The following MYBPC3 variants were observed in gnomAD, a reference collection of about 807,000 sequenced individuals.
The protein encoded by MYBPC3 is myosin-binding protein C, cardiac-type.
In MYBPC3, 108 loss-of-function variants were observed where a neutral mutation model predicts 159.3. The ratio of observed to expected loss-of-function variants is 0.68; its 90% confidence interval spans 0.58 to 0.80. The LOEUF is 0.80. MYBPC3 is among the 30% of genes least tolerant of loss of function. The probability of loss-of-function intolerance (pLI) is 0.00; values close to 1 mark genes in which losing one functional copy is unlikely to be tolerated. For missense variants in MYBPC3, 1,631 were observed against 1,762.1 expected, an observed-to-expected ratio of 0.93 and a Z score of 1.33; for synonymous variants, 730 against 702.0, an observed-to-expected ratio of 1.04 and a Z score of -0.63.
Position 47,333,967 on chromosome 11 carries a change from A to G in MYBPC3, c.2949T>C (p.Ile983=). The G allele has an allele frequency of 6.3e-7, 1 of 1,585,796 alleles. No homozygotes were observed. Among genetic ancestry groups the G allele is most frequent in the Non-Finnish European group, 8.6e-7 (1 of 1,166,366 alleles). Residue 983 remains isoleucine (I), a synonymous_variant, in exon 28 of 35, where the codon ATT becomes ATC. Transcript: ENST00000545968. ...LQLPRHLRQT[I]QKKVGEPVNL... Reference sequence around the variant, plus strand: ...TCACAGGCTCCCCGACCTTCTTCTGAATGGTCTGGCGCAGGTGCCTGGGCA... The same window carrying G: ...TCACAGGCTCCCCGACCTTCTTCTGGATGGTCTGGCGCAGGTGCCTGGGCA...
chr11:47,349,670 C>T, intron 5 of MYBPC3, 104 bp downstream of exon 5: 1 of 1,432,888 alleles, frequency 7.0e-7, no homozygotes, highest in Non-Finnish European at 9.3e-7. Context: ...TTGCTTGCAG[C>T]TCGTGTGTGC....
intron 21 of MYBPC3, 98 bp downstream of exon 21, chr11:47,339,553 C>CGTGCACATGTGGGTGGGGT: frequency 2.0e-6 from 3 of 1,475,214 alleles, no homozygotes; most frequent in Non-Finnish European, 2.8e-6. Flanking sequence ...AACAGCAGGG[C>CGTGCACATGTGGGTGGGGT]GTGCACATGT....
At chr11:47,334,894 G>T (rs1001385542) in intron 27 of MYBPC3, 148 bp downstream of exon 27, 8 of 966,830 alleles carry the variant, frequency 8.3e-6, no homozygotes, top group Non-Finnish European at 1.1e-5. Context: ...TAGGCCTAGC[G>T]CATGGACGAT....
At position 47,338,957 on chromosome 11, in the gene MYBPC3, G is replaced by A. The variant is rs111601892; in HGVS notation, c.2149-278C>T. The stretch of plus-strand genomic sequence containing the variant: ...ACCCCAGCCTTCAGAAGAACCAACA[G>A]TGCCAGGCAGGAGCAAGACCCCGGC... On this transcript the variant is annotated intron_variant, in intron 22 of 34. Transcript: ENST00000545968. This position sits in a 1 kb window ranked among gnomAD's most constrained non-coding sequence, Gnocchi z 4.7. Among the ~76,000 whole-genome samples the A allele has an allele frequency of 6.6e-6, 1 of 152,196 alleles. No individual in the cohort carries two copies.
intron 5 of MYBPC3, among the ~76,000 whole-genome samples, chr11:47,348,926 A>ATATATATATT (rs1189066410): frequency 7.6e-6 from 1 of 131,314 alleles, no homozygotes; most frequent in African/African-American, 2.7e-5. Flanking sequence ...ATATATATAT[A>ATATATATATT]TTTAAAGGAG....
intron 3 of MYBPC3, among the ~76,000 whole-genome samples, 174 bp from the exon 4 acceptor site, chr11:47,350,286 G>A (rs900823573): frequency 9.6e-5 from 9 of 93,288 alleles, no homozygotes; most frequent in South Asian, 5.1e-4. Flanking sequence ...CACCACGCCC[G>A]GCTAATTTTT....
intron 1 of MYBPC3, 126 bp downstream of exon 1, chr11:47,352,497 C>A: frequency 3.2e-6 from 4 of 1,232,500 alleles, no homozygotes; most frequent in Admixed American, 2.5e-5. Flanking sequence ...GACTGGCTGC[C>A]CCTGTCCTGG....
rs1385829780 is a variant in MYBPC3, at chr11:47,346,918, C to T, written c.908+109G>A. The T allele has an allele frequency of 6.7e-6, 5 of 748,208 alleles. No homozygotes were observed. Among genetic ancestry groups the T allele is most frequent in the Admixed American group, 3.6e-5 (2 of 55,390 alleles). The allele number at this position is 748,208 out of a possible 1,614,324, so 46.3% of individuals were successfully genotyped here. A position where few individuals can be genotyped will look rare whatever the true frequency, so the allele number is the denominator to read the frequency against. ...AGACTCACCCCTGTCCGTGGGGAGC[C>T]GCACCCTGCTCTGAGTCTCTCACCA... On this transcript the variant is annotated intron_variant, in intron 10 of 34. Coordinates refer to ENST00000545968, the MANE Select transcript of MYBPC3 (RefSeq NM_000256.3). This position sits in a 1 kb window ranked among gnomAD's most constrained non-coding sequence, Gnocchi z 5.3.
rs1351250957 is a variant in MYBPC3, at chr11:47,332,225, G to C, written c.3661C>G (p.Leu1221Val). ...ATGCGGAAGCGGGCGTCTTCTCCCA[G>C]GTCCAGGCCATTCTTGAACCAGGAA... Reference protein sequence around the residue: ...KISWFKNGLDLGEDARFRMFS... With the variant: ...KISWFKNGLDVGEDARFRMFS... Residue 1221 changes from leucine to valine, a missense_variant, in exon 33 of 35, where the codon CTG becomes GTG. By Grantham distance (32) the Leu-to-Val change is conservative. Transcript: ENST00000545968. The surrounding 1 kb of genome is among the most constrained non-coding windows in gnomAD (Gnocchi z 4.2). The C allele has an allele frequency of 6.2e-7, 1 of 1,613,740 alleles. No individual in the cohort carries two copies. Among genetic ancestry groups the C allele is most frequent in the African/African-American group, 1.3e-5 (1 of 74,944 alleles).
intron 5 of MYBPC3, among the ~76,000 whole-genome samples, 155 bp downstream of exon 5, chr11:47,349,619 C>T (rs1332435851): frequency 6.6e-6 from 1 of 152,204 alleles, no homozygotes; most frequent in Non-Finnish European, 1.5e-5. Flanking sequence ...TCCCTGTGGG[C>T]CCCTGGCCCC....
intron 8 of MYBPC3, 47 bp downstream of exon 8, chr11:47,347,604 C>T: frequency 6.4e-7 from 1 of 1,564,804 alleles, no homozygotes; most frequent in South Asian, 1.2e-5. Context: ...CGTCTCAGAC[C>T]CCTGGGGGTC....
At chr11:47,337,600 G>A in intron 24 of MYBPC3, 21 bp from the exon 25 acceptor site, 1 of 1,613,820 alleles carries the variant, frequency 6.2e-7, no homozygotes. Flanking sequence ...GGAGGTGGCA[G>A]CTCTGGTCTG....
In MYBPC3 at chr11:47,351,381, G is replaced by T. The variant is rs368918487; in HGVS notation, c.150C>A (p.Ser50Arg). 5.0e-6 allele frequency: 8 copies of T among 1,608,872 alleles called. No individual in the cohort carries two copies. The South Asian group carries it at 5.5e-5, about 11-fold the overall frequency. The change falls in exon 2 of 35, where the codon AGC becomes AGA. Residue 50 changes from serine to arginine, a missense_variant. Coordinates refer to ENST00000545968, the MANE Select transcript of MYBPC3 (RefSeq NM_000256.3). The surrounding 1 kb of genome is among the most constrained non-coding windows in gnomAD (Gnocchi z 4.2). Reference protein sequence around the residue: ...VRWQRGGSDISASNKYGLATE... With the variant: ...VRWQRGGSDIRASNKYGLATE... ...TGGCCAGGCCGTACTTGTTGCTGGCGCTGATGTCACTGCCTCCGCGCTGCC... is the reference window on the plus strand; with the variant it reads ...TGGCCAGGCCGTACTTGTTGCTGGCTCTGATGTCACTGCCTCCGCGCTGCC...
In MYBPC3 at chr11:47,343,263, C is replaced by A. The variant is rs767405420; in HGVS notation, c.1224-1G>T. The A allele has an allele frequency of 6.4e-7, 1 of 1,561,784 alleles. No homozygotes were observed. ...AGCCATCCAGAGGGGAACTTACTTG[C>A]TGTAGAACAGAAGGGGCCGTTGAAG... On this transcript the variant is annotated splice_acceptor_variant, in intron 13 of 34. Transcript: ENST00000545968. LOFTEE classifies it high-confidence loss of function.
At chr11:47,348,678 C>T (rs968497080) in intron 5 of MYBPC3, 137 bp from the exon 6 acceptor site, 44 of 596,348 alleles carry the variant, frequency 7.4e-5, no homozygotes, top group East Asian at 2.4e-4. Context: ...CTGAGGCGGG[C>T]GGATCACATA....
At position 47,346,504 on chromosome 11, in the gene MYBPC3, C is replaced by T. The variant is rs1367883900; in HGVS notation, c.926+123G>A. ...TTCCCTTCTGGTGGGGCAGCTGGAGCTGCTCTGGGTCCCAGGCCAGGCAGG... is the reference window on the plus strand; with the variant it reads ...TTCCCTTCTGGTGGGGCAGCTGGAGTTGCTCTGGGTCCCAGGCCAGGCAGG... On this transcript the variant is annotated intron_variant, in intron 11 of 34. Transcript: ENST00000545968. The surrounding 1 kb of genome is among the most constrained non-coding windows in gnomAD (Gnocchi z 5.3). The T allele has an allele frequency of 1.4e-6, 2 of 1,458,368 alleles. No individual in the cohort carries two copies. Among genetic ancestry groups the T allele is most frequent in the African/African-American group, 2.8e-5 (2 of 70,774 alleles). The allele number at this position is 1,458,368 out of a possible 1,614,324, so 90.3% of individuals were successfully genotyped here.
rs954349451 is a variant in MYBPC3, at chr11:47,348,023, G to T, written c.773-118C>A. 1.4e-5 allele frequency: 14 copies of T among 990,022 alleles called. No homozygotes were observed. In the Admixed American group the frequency reaches 2.1e-4, roughly 15 times the overall value. The allele number at this position is 990,022 out of a possible 1,614,324, so 61.3% of individuals were successfully genotyped here. A position where few individuals can be genotyped will look rare whatever the true frequency, so the allele number is the denominator to read the frequency against. On this transcript the variant is annotated intron_variant, in intron 6 of 34. Transcript: ENST00000545968. ...ACTTGCCCATTCATGACCCCATGAG[G>T]CTGGGCATCTGCCCCAGGATCTCAC...
intron 20 of MYBPC3, 27 bp downstream of exon 20, chr11:47,340,976 C>G: frequency 2.6e-6 from 4 of 1,543,458 alleles, no homozygotes; most frequent in Non-Finnish European, 3.5e-6. Flanking sequence ...GTGAGCAGAA[C>G]CAAGACTCAG....
At position 47,346,745 on chromosome 11, in the gene MYBPC3, T is replaced by C; in HGVS notation, c.909-101A>G. On this transcript the variant is annotated intron_variant, in intron 10 of 34. Coordinates refer to ENST00000545968, the MANE Select transcript of MYBPC3 (RefSeq NM_000256.3). The surrounding 1 kb of genome is among the most constrained non-coding windows in gnomAD (Gnocchi z 5.3). ...ACCCCACCCATGGGCCTTTACTTCC[T>C]CCCTATTTTCCGCACTTGCACTCCC... is the stretch of plus-strand genomic sequence containing the variant. 7.7e-7 allele frequency: 1 copy of C among 1,296,170 alleles called. No homozygotes were observed. 80.3% of individuals were successfully genotyped at this position (1,296,170 alleles called of 1,614,324 possible). A position where few individuals can be genotyped will look rare whatever the true frequency, so the allele number is the denominator to read the frequency against.
Sources: gnomAD v4.1 joint callset for allele counts (sites outside exome capture counted in the v4.1 genomes callset) on GRCh38, gnomAD v4.1.1 for gene constraint, Gnocchi (gnomAD v3.1) non-coding constraint, MANE v1.5 for transcripts, NCBI Gene and HGNC (gene_info 2026-07-23, HGNC 2026-07-21) for gene names.